The following EPHX4 variants were observed in gnomAD, a reference collection of about 807,000 sequenced individuals.
EPHX4 encodes abhydrolase domain containing 7.
A neutral mutation model predicts 44.9 loss-of-function variants in EPHX4; 31 were observed. The observed-to-expected ratio is 0.69, with a 90% confidence interval of 0.52 to 0.93. EPHX4 has a LOEUF of 0.93. EPHX4 is among the 40% of genes least tolerant of loss of function. The probability of loss-of-function intolerance (pLI) is 0.00; values close to 1 mark genes in which losing one functional copy is unlikely to be tolerated. For missense variants in EPHX4, 373 were observed against 438.1 expected (o/e 0.85, Z 1.33); for synonymous variants, 151 against 159.7 (o/e 0.95, Z 0.41).
chr1:92,059,860 T>C (rs1417351912), intron 6 of EPHX4, among the ~76,000 whole-genome samples: 1 of 141,562 alleles, frequency 7.1e-6, no homozygotes, highest in Non-Finnish European at 1.5e-5. Flanking sequence ...GTAGAGAAGT[T>C]TTTTTTTTTT....
chr1:92,038,363 C>G (rs1688469127), intron 2 of EPHX4, among the ~76,000 whole-genome samples: 1 of 152,182 alleles, frequency 6.6e-6, no homozygotes, highest in Admixed American at 6.5e-5. Flanking sequence ...GAATTTGGGA[C>G]CGTTAGCTGT....
Position 92,045,472 on chromosome 1 carries a change from G to A in EPHX4, c.476-60G>A, listed in dbSNP as rs575045921. Reference sequence around the variant, plus strand: ...TCAGAAGTATAACTATTTTATGTGAGGTAACAGTGCACCCACCTGTTTCTT... The same window carrying A: ...TCAGAAGTATAACTATTTTATGTGAAGTAACAGTGCACCCACCTGTTTCTT... On this transcript the variant is annotated intron_variant, in intron 3 of 6. Transcript: ENST00000370383. 94 of 1,586,540 alleles carry A rather than the reference G, an allele frequency of 5.9e-5. 1 individual carries two copies. The South Asian group carries it at 1.0e-3, about 17-fold the overall frequency.
At chr1:92,040,008 GTTGT>G (rs1688487822) in intron 2 of EPHX4, among the ~76,000 whole-genome samples, 1 of 151,906 alleles carries the variant, frequency 6.6e-6, no homozygotes, top group African/African-American at 2.4e-5. Flanking sequence ...TATTGTTTTT[GTTGT>G]TTATTAACAT....
intron 2 of EPHX4, 63 bp from the exon 3 acceptor site, chr1:92,042,760 T>C: frequency 1.0e-6 from 1 of 983,022 alleles, no homozygotes; most frequent in Non-Finnish European, 1.4e-6. Flanking sequence ...AAAAAGAAAA[T>C]CTGTAATGTT....
chr1:92,046,951 A>G (rs1045758108), intron 4 of EPHX4, among the ~76,000 whole-genome samples: 5 of 152,222 alleles, frequency 3.3e-5, no homozygotes, highest in Non-Finnish European at 5.9e-5. Flanking sequence ...AAGTTGACAC[A>G]TTTCATCATA....
chr1:92,033,686 G>A (rs190284722), intron 2 of EPHX4, among the ~76,000 whole-genome samples: 52 of 152,174 alleles, frequency 3.4e-4, no homozygotes, highest in African/African-American at 9.4e-4. Flanking sequence ...TACTATCTTC[G>A]TTCATTTTTG....
intron 2 of EPHX4, among the ~76,000 whole-genome samples, chr1:92,038,212 T>C (rs941827191): frequency 6.6e-6 from 1 of 152,254 alleles, no homozygotes; most frequent in Non-Finnish European, 1.5e-5. Flanking sequence ...AATCCAATTC[T>C]AAATGTAAAA....
chr1:92,033,145 G>A (rs1688386344), intron 2 of EPHX4, among the ~76,000 whole-genome samples: 1 of 150,470 alleles, frequency 6.6e-6, no homozygotes, highest in Non-Finnish European at 1.5e-5. Context: ...GAAAGCCTGA[G>A]ATCAAGCAAT....
At chr1:92,033,997 C>CTTTT (rs36075635) in intron 2 of EPHX4, among the ~76,000 whole-genome samples, 2,105 of 109,084 alleles carry the variant, frequency 0.019, 49 homozygotes, top group African/African-American at 0.031. Flanking sequence ...CATGTTTAAA[C>CTTTT]TTTTTTTTTT....
chr1:92,038,293 C>T (rs890457010), intron 2 of EPHX4, among the ~76,000 whole-genome samples: 1 of 152,114 alleles, frequency 6.6e-6, no homozygotes, highest in Non-Finnish European at 1.5e-5. Flanking sequence ...AAGACACGGA[C>T]CCTTAAGGTA....
Position 92,063,192 on chromosome 1 carries a change from C to G in EPHX4, c.995C>G (p.Ser332Ter). The G allele has an allele frequency of 6.2e-7, 1 of 1,614,020 alleles. No individual in the cohort carries two copies. Among genetic ancestry groups the G allele is most frequent in the Non-Finnish European group, 8.5e-7 (1 of 1,179,988 alleles). The change falls in exon 7 of 7, where the codon TCA becomes TGA. Residue 332 changes from serine (S) to a stop codon, truncating the protein, a stop_gained. Transcript: ENST00000370383. LOFTEE classifies it high-confidence loss of function. ...AACTATTTCAGGCTAACTATTTTGT[C>G]AGAAGCCAGTCATTGGCTTCAGCAA... ...VKNYFRLTIL[S>*]EASHWLQQDQ...
At chr1:92,057,800 A>G (rs1647402397) in intron 6 of EPHX4, among the ~76,000 whole-genome samples, 1 of 152,040 alleles carries the variant, frequency 6.6e-6, no homozygotes, top group Non-Finnish European at 1.5e-5. Context: ...GGGGTTCACC[A>G]TGTTGGCCAG....
chr1:92,056,292 C>T (rs1285931672), intron 6 of EPHX4, among the ~76,000 whole-genome samples: 1 of 152,126 alleles, frequency 6.6e-6, no homozygotes, highest in Non-Finnish European at 1.5e-5. Flanking sequence ...ATTTATTACC[C>T]TAAGCCTCCT....
At chr1:92,062,584 CAAAAAAAAAAAA>C (rs1167530513) in intron 6 of EPHX4, among the ~76,000 whole-genome samples, 3 of 20,090 alleles carry the variant, frequency 1.5e-4, no homozygotes, top group Non-Finnish European at 3.8e-4. Context: ...AACTCCATCT[CAAAAAAAAAAAA>C]AAAAAAAAAA....
intron 2 of EPHX4, among the ~76,000 whole-genome samples, chr1:92,035,757 C>A (rs780741881): frequency 6.6e-6 from 1 of 152,166 alleles, no homozygotes; most frequent in Non-Finnish European, 1.5e-5. Context: ...TATCCTGATG[C>A]TCTCCCTCTC....
At chr1:92,063,016 T>C (rs763479084) in intron 6 of EPHX4, 39 bp from the exon 7 acceptor site, 35 of 1,551,030 alleles carry the variant, frequency 2.3e-5, no homozygotes, top group Non-Finnish European at 3.0e-5. Flanking sequence ...ATTTTAACTT[T>C]GACAGTGAAT....
In EPHX4 at chr1:92,060,736, G is replaced by C. The variant is rs559139040; in HGVS notation, c.858-2319G>C. 1.3e-3 allele frequency among the ~76,000 whole-genome samples: 204 copies of C among 152,142 alleles called. 2 individuals carry two copies. The highest frequency in any genetic ancestry group is 4.7e-3 in the African/African-American group (194 of 41,516). Reference sequence around the variant, plus strand: ...GAGTTCAAAACCAGCCTGGCTCTTTGACTAATGGTCTTTTAAAACTCCCCT... The same window carrying C: ...GAGTTCAAAACCAGCCTGGCTCTTTCACTAATGGTCTTTTAAAACTCCCCT... On this transcript the variant is annotated intron_variant, in intron 6 of 6. Transcript: ENST00000370383.
At chr1:92,030,776 ACAGT>A (rs1487197320) in intron 1 of EPHX4, among the ~76,000 whole-genome samples, 3 of 152,106 alleles carry the variant, frequency 2.0e-5, no homozygotes, top group East Asian at 1.9e-4. Context: ...ATAAGAGTAA[ACAGT>A]CAGTCTTTGG....
chr1:92,043,929 A>G (rs1349960176), intron 3 of EPHX4: 2 of 152,260 alleles, frequency 1.3e-5, no homozygotes, highest in East Asian at 3.8e-4. Flanking sequence ...GTGGAGCCCA[A>G]AGTCAAGCTA....
Sources: gnomAD v4.1 joint callset for allele counts (sites outside exome capture counted in the v4.1 genomes callset) on GRCh38, gnomAD v4.1.1 for gene constraint, MANE v1.5 for transcripts, NCBI Gene and HGNC (gene_info 2026-07-23, HGNC 2026-07-21) for gene names.